The following POLD3 variants were observed in gnomAD, a reference collection of about 807,000 sequenced individuals.
POLD3 encodes DNA polymerase delta subunit 3.
POLD3 carries 19 observed loss-of-function variants against 58.2 expected under a neutral mutation model. The ratio of observed to expected loss-of-function variants is 0.33; its 90% CI spans 0.23 to 0.48. POLD3 has a LOEUF of 0.48. POLD3 is among the 20% of genes least tolerant of loss of function. The pLI, the probability that POLD3 is intolerant of heterozygous loss-of-function variation, is 0.99. For missense variants in POLD3, 504 were observed against 545.5 expected (o/e 0.92, Z 0.76); for synonymous variants, 172 against 193.5 (o/e 0.89, Z 0.92).
In POLD3 at chr11:74,625,466, G is replaced by T. The variant is rs778806614; in HGVS notation, c.792G>T (p.Glu264Asp). The T allele has an allele frequency of 6.2e-6, 10 of 1,613,110 alleles. No homozygotes were observed. Among genetic ancestry groups the T allele is most frequent in the Non-Finnish European group, 8.5e-6 (10 of 1,179,496 alleles). The change falls in exon 8 of 12, where the codon GAG becomes GAT. Residue 264 changes from glutamate (E) to aspartate (D), a missense_variant. This residue lies in a region of POLD3 where 385 missense variants were observed against 370.5 expected (regional missense o/e 1.04). Coordinates refer to ENST00000263681, the MANE Select transcript of POLD3 (RefSeq NM_006591.3). ...CAGTGAAAGAAGAAAAAATAGTGGA[G>T]CAGCCTACAGTGTCTGTCACGGAAC... is the stretch of plus-strand genomic sequence containing the variant. The part of the protein sequence containing the change: ...EQAVKEEKIV[E>D]QPTVSVTEPK...
intron 11 of POLD3, among the ~76,000 whole-genome samples, chr11:74,639,573 C>G (rs2032852623): frequency 6.6e-6 from 1 of 152,228 alleles, no homozygotes; most frequent in Non-Finnish European, 1.5e-5. Context: ...GGTTATACAG[C>G]TGCCACAGCT....
chr11:74,593,428 A>G (rs2031107010), intron 1 of POLD3, among the ~76,000 whole-genome samples: 1 of 152,202 alleles, frequency 6.6e-6, no homozygotes, highest in South Asian at 2.1e-4. Flanking sequence ...GCTTTCTTCT[A>G]CATCACACTG....
At chr11:74,610,471 A>G (rs1029006444) in intron 3 of POLD3, among the ~76,000 whole-genome samples, 4 of 152,144 alleles carry the variant, frequency 2.6e-5, no homozygotes, top group Non-Finnish European at 4.4e-5. Flanking sequence ...GGCCTCCCAA[A>G]GTACTGGGAT....
downstream of POLD3, among the ~76,000 whole-genome samples, chr11:74,645,923 G>C (rs566425044): frequency 6.6e-6 from 1 of 151,186 alleles, no homozygotes; most frequent in Admixed American, 6.6e-5. Flanking sequence ...CTTCCATACC[G>C]CCCAGTGATG....
intron 2 of POLD3, among the ~76,000 whole-genome samples, chr11:74,601,845 A>G (rs2031510917): frequency 1.3e-5 from 2 of 152,134 alleles, no homozygotes; most frequent in South Asian, 4.1e-4. Context: ...TTCATAGAGG[A>G]GGTGACAACT....
At chr11:74,619,519 C>G (rs993473281) in intron 6 of POLD3, among the ~76,000 whole-genome samples, 1 of 152,098 alleles carries the variant, frequency 6.6e-6, no homozygotes, top group African/African-American at 2.4e-5. Flanking sequence ...TGTTTAAATC[C>G]TCTTATCAGT....
At chr11:74,596,460 A>T (rs932504800) in intron 2 of POLD3, among the ~76,000 whole-genome samples, 1 of 152,176 alleles carries the variant, frequency 6.6e-6, no homozygotes, top group Non-Finnish European at 1.5e-5. Context: ...TGCTGGGATT[A>T]CAGATGTGAG....
At chr11:74,650,986 A>G (rs914541128) in intron 4 of POLD3, among the ~76,000 whole-genome samples, 5 of 152,188 alleles carry the variant, frequency 3.3e-5, no homozygotes, top group African/African-American at 1.2e-4. Context: ...TAGTGGAAAG[A>G]GCCCTGCACT....
intron 3 of POLD3, among the ~76,000 whole-genome samples, chr11:74,609,562 T>C (rs1376964289): frequency 1.3e-5 from 2 of 151,196 alleles, no homozygotes; most frequent in Non-Finnish European, 2.9e-5. Flanking sequence ...TTTTGTATTT[T>C]AGTAGAGACG....
intron 2 of POLD3, among the ~76,000 whole-genome samples, chr11:74,603,183 G>C (rs1417039394): frequency 6.6e-6 from 1 of 152,160 alleles, no homozygotes; most frequent in Non-Finnish European, 1.5e-5. Context: ...AAGTTTTGTT[G>C]ATTGAATGAC....
chr11:74,664,149 T>C (rs2033238104), intron 4 of POLD3, among the ~76,000 whole-genome samples: 1 of 152,168 alleles, frequency 6.6e-6, no homozygotes, highest in Non-Finnish European at 1.5e-5. Context: ...AGTGGTAAGA[T>C]TGTAGAATGT....
intron 3 of POLD3, 99 bp from the exon 4 acceptor site, chr11:74,611,400 T>A: frequency 1.4e-6 from 1 of 727,798 alleles, no homozygotes; most frequent in South Asian, 1.6e-5. Context: ...CCTGGTGTTT[T>A]CCTAATTTCA....
At chr11:74,627,276 C>G (rs1332085529) in intron 8 of POLD3, among the ~76,000 whole-genome samples, 1 of 149,964 alleles carries the variant, frequency 6.7e-6, no homozygotes, top group East Asian at 1.9e-4. Flanking sequence ...TAGCTTTCAA[C>G]AAAAAAAGTT....
chr11:74,600,070 C>T (rs928793211), intron 2 of POLD3, among the ~76,000 whole-genome samples: 35 of 151,672 alleles, frequency 2.3e-4, no homozygotes, highest in African/African-American at 6.8e-4. Context: ...CTCAGCCTCC[C>T]GAGTAGCTGG....
intron 11 of POLD3, among the ~76,000 whole-genome samples, chr11:74,637,954 A>G (rs2032798431): frequency 6.6e-6 from 1 of 151,988 alleles, no homozygotes; most frequent in Admixed American, 6.6e-5. Flanking sequence ...CCTGTGCTGG[A>G]TCAGATTTGT....
chr11:74,644,701 C>G (rs1039132667), downstream of POLD3, among the ~76,000 whole-genome samples: 6 of 152,294 alleles, frequency 3.9e-5, no homozygotes, highest in African/African-American at 1.4e-4. Flanking sequence ...ACTTCAAACC[C>G]TTAATGTTTT....
downstream of POLD3, among the ~76,000 whole-genome samples, chr11:74,643,895 G>C (rs2032967241): frequency 6.6e-6 from 1 of 152,166 alleles, no homozygotes; most frequent in Admixed American, 6.5e-5. Flanking sequence ...AAACCATCTT[G>C]GTTAAAACAA....
chr11:74,618,435 A>G (rs2032145820), intron 5 of POLD3, 102 bp from the exon 6 acceptor site: 1 of 819,456 alleles, frequency 1.2e-6, no homozygotes. Context: ...AGAGTTTGAA[A>G]ATAAAGTTTT....
chr11:74,601,809 T>C (rs1327746661), intron 2 of POLD3, among the ~76,000 whole-genome samples: 1 of 152,054 alleles, frequency 6.6e-6, no homozygotes, highest in East Asian at 1.9e-4. Flanking sequence ...CCTGGTGACC[T>C]GATGGTGTTG....
Sources: allele counts gnomAD v4.1 joint callset (sites outside exome capture counted in the v4.1 genomes callset), GRCh38; gene constraint gnomAD v4.1.1; regional missense constraint gnomAD v4.1.1; transcripts MANE v1.5; gene names NCBI Gene and HGNC (gene_info 2026-07-23, HGNC 2026-07-21).